The following SCMH1 variants were observed in gnomAD, a reference collection of about 807,000 sequenced individuals.
SCMH1 encodes the protein polycomb protein SCMH1.
SCMH1 carries 37 observed loss-of-function variants against 70.8 expected under a neutral mutation model. That is an observed-to-expected ratio of 0.52 (90% CI 0.40 to 0.69). The LOEUF is 0.69. Ranked by LOEUF, SCMH1 falls within the 30% of genes least tolerant of loss-of-function variation. The pLI, the probability that SCMH1 is intolerant of heterozygous loss-of-function variation, is 0.00. For synonymous variants in SCMH1, 292 were observed against 307.4 expected (o/e 0.95, Z 0.52); for missense variants, 607 against 827.3 (o/e 0.73, Z 3.27).
chr1:41,113,533 G>A lies in SCMH1; in HGVS notation c.502-7C>T, dbSNP rs1363836471. 6.2e-7 allele frequency: 1 copy of A among 1,610,658 alleles called. No homozygotes were observed. Among genetic ancestry groups the A allele is most frequent in the Non-Finnish European group, 8.5e-7 (1 of 1,178,474 alleles). ...GGGAAGGCGATGGTGGCTCCTAGATGAGAAACAGAAACATACACACCTAGA... is the reference window on the plus strand; with the variant it reads ...GGGAAGGCGATGGTGGCTCCTAGATAAGAAACAGAAACATACACACCTAGA... On this transcript the variant is annotated splice_region_variant and splice_polypyrimidine_tract_variant and intron_variant, in intron 7 of 14. Transcript: ENST00000337495. The surrounding 1 kb of genome is among the most constrained non-coding windows in gnomAD (Gnocchi z 4.3).
intron 1 of SCMH1, among the ~76,000 whole-genome samples, chr1:41,221,251 A>G (rs905278326): frequency 6.6e-6 from 1 of 152,164 alleles, no homozygotes; most frequent in African/African-American, 2.4e-5. Flanking sequence ...GGCTGGAGGA[A>G]GTGGAAAATG....
chr1:41,088,543 T>C (rs893658862), intron 8 of SCMH1, among the ~76,000 whole-genome samples: 15 of 152,264 alleles, frequency 9.9e-5, no homozygotes, highest in African/African-American at 3.4e-4. Flanking sequence ...TCATAACTCG[T>C]TGCAGCCTCG....
chr1:41,199,135 T>A (rs1033271926), intron 1 of SCMH1, among the ~76,000 whole-genome samples: 5 of 152,224 alleles, frequency 3.3e-5, no homozygotes, highest in Non-Finnish European at 7.3e-5. Context: ...GCATAAACTA[T>A]GTGTTAGGCA....
At chr1:41,028,280 T>C in exon 15 of SCMH1, 1 of 1,613,556 alleles carries the variant, frequency 6.2e-7, no homozygotes, top group Non-Finnish European at 8.5e-7. Context: ...TTCATCATCA[T>C]GTCACTGCGC....
intron 8 of SCMH1, among the ~76,000 whole-genome samples, chr1:41,106,194 T>C (rs1006949904): frequency 2.0e-5 from 3 of 151,766 alleles, no homozygotes; most frequent in African/African-American, 7.3e-5. Flanking sequence ...TGATTTAGTT[T>C]GGATATTTTG....
intron 8 of SCMH1, among the ~76,000 whole-genome samples, chr1:41,108,062 G>C (rs1668442480): frequency 6.6e-6 from 1 of 152,112 alleles, no homozygotes; most frequent in Non-Finnish European, 1.5e-5. Context: ...TTTTTGCTTT[G>C]TACAAAGAAA....
At chr1:41,049,037 A>G in intron 10 of SCMH1, 147 bp from the exon 11 acceptor site, 1 of 750,944 alleles carries the variant, frequency 1.3e-6, no homozygotes, top group East Asian at 2.7e-5. Context: ...TGTGGGAGGT[A>G]GAGGGTGGAG....
chr1:41,159,862 A>G (rs562946167), intron 4 of SCMH1: 5 of 1,299,770 alleles, frequency 3.8e-6, no homozygotes, highest in Non-Finnish European at 4.9e-6. Context: ...ATAATCCTCC[A>G]AAGTTGAAAA....
intron 4 of SCMH1, among the ~76,000 whole-genome samples, chr1:41,155,630 A>G (rs1645455958): frequency 6.6e-6 from 1 of 152,168 alleles, no homozygotes; most frequent in Non-Finnish European, 1.5e-5. Context: ...AGAGGTAAAG[A>G]AGGTGTGCTA....
chr1:41,043,553 GCTGGGA>G (rs1355302885), intron 12 of SCMH1: 1 of 151,210 alleles, frequency 6.6e-6, no homozygotes, highest in Non-Finnish European at 1.5e-5. Flanking sequence ...CTCCTGAGTA[GCTGGGA>G]CTACAGGTGC....
At position 41,113,585 on chromosome 1, in the gene SCMH1, GACT is replaced by G. The variant is rs1221568004; in HGVS notation, c.502-62_502-60del. The stretch of plus-strand genomic sequence containing the variant: ...ACAAAGAGAGGCCATTATGCCAATA[GACT>G]ACTATCTAATTTGGATGATTAAAAA... On this transcript the variant is annotated intron_variant, in intron 7 of 14. Transcript: ENST00000337495. This position sits in a 1 kb window ranked among gnomAD's most constrained non-coding sequence, Gnocchi z 4.3. 1.1e-5 allele frequency: 17 copies of G among 1,545,326 alleles called. No individual in the cohort carries two copies. The highest frequency in any genetic ancestry group is 1.4e-5 in the Non-Finnish European group (16 of 1,147,546).
In SCMH1 at chr1:41,046,422, C is replaced by G. The variant is rs375356330; in HGVS notation, c.1483G>C (p.Asp495His). 27 of 1,613,928 alleles carry G rather than the reference C, an allele frequency of 1.7e-5. No individual in the cohort carries two copies. In the African/African-American group the frequency reaches 2.5e-4, roughly 15 times the overall value. ...CAGCTCCTACCTGGTAGGTACCTGT[C>G]GTGGCTGTGGCTGTACTCTATGGCA... is the stretch of plus-strand genomic sequence containing the variant. The change falls in exon 12 of 15, where the codon GAC becomes CAC. Residue 495 changes from aspartate to histidine, a missense_variant. Physicochemically the swap from Asp to His is moderately conservative, Grantham distance 81 (BLOSUM62 -1). Around this residue, in one of 3 missense-constraint regions of SCMH1, gnomAD observed 430 missense variants for 528.2 expected, o/e 0.81. Coordinates refer to ENST00000337495, the Ensembl canonical transcript of SCMH1.
intron 8 of SCMH1, among the ~76,000 whole-genome samples, chr1:41,102,185 G>T (rs1028686558): frequency 2.0e-5 from 3 of 152,168 alleles, no homozygotes; most frequent in African/African-American, 7.2e-5. Context: ...GTGTGTGTGT[G>T]TGTGTCTACA....
intron 8 of SCMH1, among the ~76,000 whole-genome samples, chr1:41,108,584 G>A (rs1668558202): frequency 1.3e-5 from 2 of 152,218 alleles, no homozygotes; most frequent in Non-Finnish European, 2.9e-5. Context: ...GGATTAGTTG[G>A]ACGCTTGGTA....
chr1:41,219,823 C>T (rs948338634), intron 1 of SCMH1, among the ~76,000 whole-genome samples: 12 of 151,654 alleles, frequency 7.9e-5, no homozygotes, highest in African/African-American at 1.9e-4. Context: ...CCCAGCTACT[C>T]GGGAGACTGA....
chr1:41,057,732 A>AC (rs1160475286), intron 10 of SCMH1, among the ~76,000 whole-genome samples: 3 of 152,216 alleles, frequency 2.0e-5, no homozygotes, highest in Non-Finnish European at 4.4e-5. Flanking sequence ...TAATGAATAA[A>AC]CTAGACAGCG....
At chr1:41,205,914 T>C (rs902294438) in intron 1 of SCMH1, among the ~76,000 whole-genome samples, 1 of 152,064 alleles carries the variant, frequency 6.6e-6, no homozygotes, top group African/African-American at 2.4e-5. Context: ...AGGTCTGGAG[T>C]GGACCTCCAG....
At chr1:41,157,408 TAGG>T (rs1645644028) in intron 4 of SCMH1, among the ~76,000 whole-genome samples, 2 of 152,358 alleles carry the variant, frequency 1.3e-5, no homozygotes, top group South Asian at 4.1e-4. Flanking sequence ...TCATAGATTC[TAGG>T]AGTTCTTTGT....
At chr1:41,094,526 C>T (rs1664541144) in intron 8 of SCMH1, among the ~76,000 whole-genome samples, 1 of 152,112 alleles carries the variant, frequency 6.6e-6, no homozygotes, top group South Asian at 2.1e-4. Flanking sequence ...TGCACTTAAA[C>T]TTTCAACTCT....
Sources: gnomAD v4.1 joint callset for allele counts (sites outside exome capture counted in the v4.1 genomes callset) on GRCh38, gnomAD v4.1.1 for gene constraint, gnomAD v4.1.1 regional missense constraint, Gnocchi (gnomAD v3.1) non-coding constraint, MANE v1.5 for transcripts, NCBI Gene and HGNC (gene_info 2026-07-23, HGNC 2026-07-21) for gene names.